The following TMEM132D variants were observed in gnomAD, a reference collection of about 807,000 sequenced individuals.
The protein encoded by TMEM132D is mature OL transmembrane protein.
TMEM132D carries 21 observed loss-of-function variants against 62.3 expected under a neutral mutation model. The ratio of observed to expected loss-of-function variants is 0.34; its 90% CI spans 0.24 to 0.49. The LOEUF (loss-of-function observed/expected upper bound fraction) is 0.49, where lower values mean the gene tolerates loss of function less well. Ranked by LOEUF, TMEM132D falls within the 20% of genes least tolerant of loss-of-function variation. TMEM132D has a pLI of 0.99. For synonymous variants in TMEM132D, 621 were observed against 575.6 expected, an observed-to-expected ratio of 1.08 and a Z score of -1.13; for missense variants, 1,346 against 1,402.8, an observed-to-expected ratio of 0.96 and a Z score of 0.65.
chr12:129,838,519 G>C (rs1333892359), intron 1 of TMEM132D, among the ~76,000 whole-genome samples: 1 of 152,162 alleles, frequency 6.6e-6, no homozygotes, highest in Admixed American at 6.5e-5. Flanking sequence ...TGAATCCAAA[G>C]AAAGAGGAGT....
chr12:129,726,811 A>C (rs1869050907), intron 1 of TMEM132D, among the ~76,000 whole-genome samples: 1 of 152,134 alleles, frequency 6.6e-6, no homozygotes, highest in African/African-American at 2.4e-5. Flanking sequence ...AGGTCTGAGA[A>C]GCTCTCTTAG....
chr12:129,195,178 G>A (rs1333591439), intron 5 of TMEM132D, among the ~76,000 whole-genome samples: 1 of 152,166 alleles, frequency 6.6e-6, no homozygotes, highest in Non-Finnish European at 1.5e-5. Flanking sequence ...TTTGAGCAGA[G>A]ACCTGAAGAC....
intron 5 of TMEM132D, among the ~76,000 whole-genome samples, chr12:129,097,856 T>G (rs1875166663): frequency 6.6e-6 from 1 of 152,260 alleles, no homozygotes; most frequent in African/African-American, 2.4e-5. Context: ...TCTGGTTCCC[T>G]TCAAGCTGAA....
chr12:129,844,409 C>T lies in TMEM132D; in HGVS notation c.79+58852G>A, dbSNP rs61942114. ...TGTGAGATGAGGTCTCATGCCTACC[C>T]CCTCCACTCTCCGGATCCCCCATAT... On this transcript the variant is annotated intron_variant, in intron 1 of 8. Coordinates refer to ENST00000422113, the MANE Select transcript of TMEM132D (RefSeq NM_133448.3). Among the ~76,000 whole-genome samples the T allele has an allele frequency of 7.3e-3, 1,113 of 152,188 alleles. 8 individuals are homozygous for T. Among genetic ancestry groups the T allele is most frequent in the Non-Finnish European group, 0.013 (853 of 68,008 alleles).
At chr12:129,864,257 T>G (rs540167910) in intron 1 of TMEM132D, among the ~76,000 whole-genome samples, 3 of 152,170 alleles carry the variant, frequency 2.0e-5, no homozygotes, top group African/African-American at 7.2e-5. Flanking sequence ...TGTCAGGCCT[T>G]GAGATGATTC....
chr12:129,490,381 T>G (rs978884546), intron 3 of TMEM132D, among the ~76,000 whole-genome samples: 4 of 150,602 alleles, frequency 2.7e-5, no homozygotes, highest in Admixed American at 6.6e-5. Flanking sequence ...GATGATATTA[T>G]AAATATTTAA....
At chr12:129,844,646 G>A (rs1337422777) in intron 1 of TMEM132D, among the ~76,000 whole-genome samples, 3 of 152,154 alleles carry the variant, frequency 2.0e-5, no homozygotes, top group South Asian at 4.1e-4. Flanking sequence ...TGCTGTGCTT[G>A]GAGAAATTTC....
chr12:129,794,302 A>G (rs1387023348), intron 1 of TMEM132D, among the ~76,000 whole-genome samples: 1 of 129,042 alleles, frequency 7.7e-6, no homozygotes, highest in Non-Finnish European at 1.6e-5. Flanking sequence ...GGGTTTTGCC[A>G]TGTTGGCCAG....
At chr12:129,310,387 A>T (rs1376508847) in intron 4 of TMEM132D, among the ~76,000 whole-genome samples, 1 of 152,214 alleles carries the variant, frequency 6.6e-6, no homozygotes, top group Admixed American at 6.5e-5. Flanking sequence ...CTAAGCTGTT[A>T]CCAATCCTTG....
chr12:129,201,482 C>T (rs1426717715), intron 5 of TMEM132D, among the ~76,000 whole-genome samples: 1 of 152,200 alleles, frequency 6.6e-6, no homozygotes, highest in Non-Finnish European at 1.5e-5. Context: ...TCCCCAAACT[C>T]CTCATTGAGT....
rs1342071208 is a variant in TMEM132D, at chr12:129,799,075, T to C, written c.80-98377A>G. Among the ~76,000 whole-genome samples, 6 of 152,052 alleles carry C rather than the reference T, an allele frequency of 3.9e-5. No individual in the cohort carries two copies. In the South Asian group the frequency reaches 6.2e-4, roughly 16 times the overall value. ...GGTCCGGAGATGGAGACCAATCCTGTCCAACACAGTGAAACCCCGTCTCTA... is the reference window on the plus strand; with the variant it reads ...GGTCCGGAGATGGAGACCAATCCTGCCCAACACAGTGAAACCCCGTCTCTA... On this transcript the variant is annotated intron_variant, in intron 1 of 8. Transcript: ENST00000422113.
intron 3 of TMEM132D, among the ~76,000 whole-genome samples, chr12:129,433,634 G>GAGA (rs1230585110): frequency 1.3e-5 from 2 of 152,082 alleles, no homozygotes; most frequent in Non-Finnish European, 2.9e-5. Context: ...GAAACATTTA[G>GAGA]AGAAGCAAGA....
intron 3 of TMEM132D, among the ~76,000 whole-genome samples, chr12:129,453,159 C>A (rs1352346991): frequency 6.6e-6 from 1 of 152,192 alleles, no homozygotes; most frequent in Non-Finnish European, 1.5e-5. Context: ...GTGCTTGAAA[C>A]AGTCTGAAAC....
intron 3 of TMEM132D, among the ~76,000 whole-genome samples, chr12:129,520,754 A>G (rs1329587887): frequency 6.6e-6 from 1 of 152,204 alleles, no homozygotes; most frequent in Admixed American, 6.5e-5. Flanking sequence ...TTGATATTAA[A>G]AACCAAATCC....
intron 3 of TMEM132D, among the ~76,000 whole-genome samples, chr12:129,421,730 T>C (rs9804943): frequency 0.17 from 26,120 of 152,278 alleles, 2,557 homozygotes; most frequent in Non-Finnish European, 0.22. Flanking sequence ...TAATGTTTTA[T>C]GTATGGCTTT....
intron 4 of TMEM132D, among the ~76,000 whole-genome samples, chr12:129,275,446 A>T (rs1880977455): frequency 6.6e-6 from 1 of 152,202 alleles, no homozygotes; most frequent in Admixed American, 6.5e-5. Flanking sequence ...AAACAATGAT[A>T]TATCTATTCA....
intron 5 of TMEM132D, among the ~76,000 whole-genome samples, chr12:129,206,852 A>C (rs1241146710): frequency 6.6e-6 from 1 of 152,210 alleles, no homozygotes; most frequent in Non-Finnish European, 1.5e-5. Context: ...CAGGAATAGA[A>C]AACCAAATAC....
chr12:129,555,205 C>T (rs1228284501), intron 2 of TMEM132D, among the ~76,000 whole-genome samples: 2 of 152,192 alleles, frequency 1.3e-5, no homozygotes, highest in Admixed American at 6.5e-5. Context: ...TACTCAACAG[C>T]CCGATGGTAT....
At chr12:129,574,102 A>T (rs1049968278) in intron 2 of TMEM132D, among the ~76,000 whole-genome samples, 1 of 151,994 alleles carries the variant, frequency 6.6e-6, no homozygotes, top group East Asian at 1.9e-4. Flanking sequence ...AGGAACAAAC[A>T]TTAAACTCGA....
Sources: gnomAD v4.1 joint callset for allele counts (sites outside exome capture counted in the v4.1 genomes callset) on GRCh38, gnomAD v4.1.1 for gene constraint, MANE v1.5 for transcripts, NCBI Gene and HGNC (gene_info 2026-07-23, HGNC 2026-07-21) for gene names.